Variants in FAM185A observed in about 807,000 individuals in gnomAD.
The protein encoded by FAM185A is family with sequence similarity 185 member A.
FAM185A carries 21 observed loss-of-function variants against 45.7 expected under a neutral mutation model. That is an observed-to-expected ratio of 0.46 (90% CI 0.33 to 0.66). The LOEUF (loss-of-function observed/expected upper bound fraction) is 0.66. Among genes scored for constraint, FAM185A ranks in the 30% least tolerant of loss-of-function variants. The probability of loss-of-function intolerance (pLI) is 0.03; values close to 1 mark genes in which losing one functional copy is unlikely to be tolerated. For missense variants in FAM185A, 305 were observed against 485.4 expected (o/e 0.63, Z 3.49); for synonymous variants, 117 against 194.0 (o/e 0.60, Z 3.30).
the FAM185A span, among the ~76,000 whole-genome samples, chr7:102,826,004 G>T: frequency 1.3e-5 from 2 of 152,294 alleles, no homozygotes; most frequent in East Asian, 3.9e-4. Context: ...ATAAATGGTA[G>T]CTATAATTAT....
At chr7:102,786,199 G>A (rs2129441299) in intron 6 of FAM185A, among the ~76,000 whole-genome samples, 1 of 152,336 alleles carries the variant, frequency 6.6e-6, no homozygotes, top group Admixed American at 6.5e-5. Flanking sequence ...TGGAGAGGAT[G>A]TGGAGAAATA....
At chr7:102,836,513 T>A in the FAM185A span, among the ~76,000 whole-genome samples, 1 of 152,244 alleles carries the variant, frequency 6.6e-6, no homozygotes, top group Non-Finnish European at 1.5e-5. Flanking sequence ...TGCTGCTGAT[T>A]TTCTTTCCTT....
chr7:102,778,450 T>C (rs1455333913), intron 6 of FAM185A, among the ~76,000 whole-genome samples: 3 of 152,300 alleles, frequency 2.0e-5, no homozygotes, highest in Non-Finnish European at 4.4e-5. Context: ...ATTGTTAATA[T>C]AACTAGTAAC....
intron 6 of FAM185A, among the ~76,000 whole-genome samples, chr7:102,777,986 G>A (rs1274634350): frequency 6.6e-6 from 1 of 152,222 alleles, no homozygotes; most frequent in Non-Finnish European, 1.5e-5. Flanking sequence ...GTGTTGACAA[G>A]TGGCTTGGGT....
intron 7 of FAM185A, among the ~76,000 whole-genome samples, chr7:102,791,100 T>C (rs1796114801): frequency 6.6e-6 from 1 of 152,138 alleles, no homozygotes; most frequent in Non-Finnish European, 1.5e-5. Context: ...AAGGGGAAAG[T>C]GGCATAAAAG....
At chr7:102,775,589 G>A (rs532415386) in intron 5 of FAM185A, among the ~76,000 whole-genome samples, 11 of 152,204 alleles carry the variant, frequency 7.2e-5, no homozygotes, top group African/African-American at 2.4e-4. Context: ...TTATTTAGCT[G>A]TCATTTATTT....
chr7:102,838,473 CAG>C, the FAM185A span, among the ~76,000 whole-genome samples: 1 of 151,514 alleles, frequency 6.6e-6, no homozygotes, highest in Admixed American at 6.6e-5. Flanking sequence ...TTTTTTGAGA[CAG>C]AGTGTCACTC....
At chr7:102,845,364 T>C in the FAM185A span, among the ~76,000 whole-genome samples, 2 of 152,114 alleles carry the variant, frequency 1.3e-5, no homozygotes, top group Non-Finnish European at 2.9e-5. Context: ...CCCCTATTGC[T>C]CAGAAAGTTA....
At chr7:102,761,667 T>C (rs1214357487) in intron 4 of FAM185A, among the ~76,000 whole-genome samples, 1 of 152,028 alleles carries the variant, frequency 6.6e-6, no homozygotes, top group Non-Finnish European at 1.5e-5. Flanking sequence ...TGCATTTCTT[T>C]TTTCTTTTTT....
At chr7:102,825,617 C>A in the FAM185A span, among the ~76,000 whole-genome samples, 1 of 152,142 alleles carries the variant, frequency 6.6e-6, no homozygotes, top group African/African-American at 2.4e-5. Flanking sequence ...TACGAATTTT[C>A]ACATTGCTTC....
chr7:102,834,088 A>AG, the FAM185A span, among the ~76,000 whole-genome samples: 1 of 61,746 alleles, frequency 1.6e-5, no homozygotes, highest in African/African-American at 6.9e-5. Flanking sequence ...AAGGAAAGAA[A>AG]AGAAAGAAAG....
At chr7:102,794,461 C>T (rs978246686) in intron 7 of FAM185A, among the ~76,000 whole-genome samples, 4 of 152,140 alleles carry the variant, frequency 2.6e-5, no homozygotes, top group Non-Finnish European at 5.9e-5. Flanking sequence ...GAATAAAATA[C>T]TACATACTTA....
At chr7:102,775,780 A>G (rs145624669) in intron 5 of FAM185A, among the ~76,000 whole-genome samples, 2,548 of 152,162 alleles carry the variant, frequency 0.017, 65 homozygotes, top group African/African-American at 0.058. Context: ...AGCATAATGT[A>G]ATTTTTACTT....
intron 7 of FAM185A, among the ~76,000 whole-genome samples, chr7:102,788,311 A>G (rs769506919): frequency 9.2e-5 from 14 of 152,124 alleles, no homozygotes; most frequent in Admixed American, 2.0e-4. Context: ...ATGCTGGTGA[A>G]GTTTTCCTTT....
At chr7:102,810,078 G>A (rs913946126), downstream of FAM185A, among the ~76,000 whole-genome samples, 1 of 152,122 alleles carries the variant, frequency 6.6e-6, no homozygotes, top group Non-Finnish European at 1.5e-5. Flanking sequence ...AGGCCCGTGC[G>A]ATGCTTTCAC....
At chr7:102,833,040 T>C in the FAM185A span, 1 of 1,542,390 alleles carries the variant, frequency 6.5e-7, no homozygotes, top group African/African-American at 1.4e-5. Flanking sequence ...TTACTTATAG[T>C]AGCTTATTAA....
At chr7:102,850,445 CTG>C in the FAM185A span, among the ~76,000 whole-genome samples, 2 of 152,148 alleles carry the variant, frequency 1.3e-5, no homozygotes, top group African/African-American at 4.8e-5. Context: ...TCAAATATAA[CTG>C]ATCACCATAT....
the FAM185A span, among the ~76,000 whole-genome samples, chr7:102,835,447 C>A: frequency 6.6e-6 from 1 of 152,152 alleles, no homozygotes; most frequent in African/African-American, 2.4e-5. Context: ...TGGAAATCTG[C>A]TAGCTTTCAT....
chr7:102,837,907 G>A, the FAM185A span, among the ~76,000 whole-genome samples: 9 of 152,194 alleles, frequency 5.9e-5, no homozygotes, highest in Admixed American at 2.0e-4. Flanking sequence ...TGCATTGACT[G>A]TAACTTCTTG....
Sources: gnomAD v4.1 joint callset for allele counts (sites outside exome capture counted in the v4.1 genomes callset) on GRCh38, gnomAD v4.1.1 for gene constraint, MANE v1.5 for transcripts, NCBI Gene and HGNC (gene_info 2026-07-23, HGNC 2026-07-21) for gene names.